Variants in STK3 observed in about 807,000 individuals in gnomAD.
The protein encoded by STK3 is serine/threonine kinase 3, also known as serine/threonine-protein kinase 3.
A neutral mutation model predicts 58.0 loss-of-function variants in STK3; 41 were observed. The observed-to-expected ratio is 0.71, with a 90% CI of 0.55 to 0.92. The LOEUF is 0.92. Among genes scored for constraint, STK3 ranks in the 40% least tolerant of loss-of-function variants. STK3 has a pLI of 0.00. For missense variants in STK3, 479 were observed against 602.7 expected (o/e 0.79, Z 2.15); for synonymous variants, 170 against 191.0 (o/e 0.89, Z 0.91).
chr8:98,489,523 T>C (rs111841363), intron 10 of STK3, among the ~76,000 whole-genome samples: 2 of 152,306 alleles, frequency 1.3e-5, no homozygotes, highest in African/African-American at 2.4e-5. Flanking sequence ...CTTACTATTA[T>C]ATAGTAAAAA....
intron 6 of STK3, among the ~76,000 whole-genome samples, chr8:98,672,840 T>C (rs904272079): frequency 1.3e-5 from 2 of 152,200 alleles, no homozygotes; most frequent in East Asian, 3.8e-4. Context: ...CATCAAGTTA[T>C]TACTATTTAG....
chr8:98,466,294 A>G (rs1016723877), intron 10 of STK3, among the ~76,000 whole-genome samples: 3 of 152,214 alleles, frequency 2.0e-5, no homozygotes, highest in African/African-American at 4.8e-5. Context: ...TGGGTAGTCA[A>G]ACCTCTGTGG....
intron 3 of STK3, among the ~76,000 whole-genome samples, chr8:98,874,327 T>A (rs868267124): frequency 6.6e-6 from 1 of 152,298 alleles, no homozygotes; most frequent in Middle Eastern, 3.4e-3. Context: ...TGTCTTGGAG[T>A]TGCTCTTCTC....
chr8:98,410,064 GA>G (rs778907384), intron 3 of STK3, among the ~76,000 whole-genome samples: 18 of 152,240 alleles, frequency 1.2e-4, no homozygotes, highest in East Asian at 1.2e-3. Context: ...TGGGCTGTTA[GA>G]AAAGGGGAAA....
chr8:98,807,132 C>T (rs1384822023), intron 1 of STK3, among the ~76,000 whole-genome samples: 7 of 129,926 alleles, frequency 5.4e-5, no homozygotes, highest in African/African-American at 2.1e-4. Context: ...CCAGCCTGGG[C>T]GACAAGCGAG....
At chr8:98,694,545 C>T (rs1239194838) in intron 6 of STK3, among the ~76,000 whole-genome samples, 2 of 152,130 alleles carry the variant, frequency 1.3e-5, no homozygotes, top group African/African-American at 4.8e-5. Flanking sequence ...GTTCCCCTTC[C>T]TTTGTCCATA....
At chr8:98,855,445 C>T (rs956386272) in intron 3 of STK3, among the ~76,000 whole-genome samples, 2 of 152,118 alleles carry the variant, frequency 1.3e-5, no homozygotes, top group Non-Finnish European at 2.9e-5. Context: ...GGTGCTGAGA[C>T]ACTGGATAGC....
chr8:98,414,291 A>G (rs1818090249), intron 3 of STK3, among the ~76,000 whole-genome samples: 1 of 152,106 alleles, frequency 6.6e-6, no homozygotes, highest in African/African-American at 2.4e-5. Context: ...AAAATAAAAT[A>G]AAATAGTAAT....
intron 1 of STK3, among the ~76,000 whole-genome samples, chr8:98,909,426 T>C (rs972051093): frequency 6.6e-6 from 1 of 152,208 alleles, no homozygotes; most frequent in African/African-American, 2.4e-5. Flanking sequence ...CACAGATATA[T>C]GTAACCATCA....
the STK3 span, among the ~76,000 whole-genome samples, chr8:98,347,380 T>C: frequency 6.6e-6 from 1 of 151,496 alleles, no homozygotes; most frequent in African/African-American, 2.4e-5. Context: ...CCGGGCGTGA[T>C]GGCGGGCGCC....
At chr8:98,436,646 T>C (rs1223751127) in intron 2 of STK3, 3 of 152,236 alleles carry the variant, frequency 2.0e-5, no homozygotes, top group African/African-American at 4.8e-5. Flanking sequence ...CGCACAGTCA[T>C]AAGCAGTGTA....
intron 8 of STK3, among the ~76,000 whole-genome samples, chr8:98,554,305 A>T (rs1015571590): frequency 3.9e-5 from 6 of 152,116 alleles, no homozygotes; most frequent in Admixed American, 2.0e-4. Context: ...CAACCAGTTT[A>T]TTCCCAAAAC....
intron 1 of STK3, among the ~76,000 whole-genome samples, chr8:98,387,203 G>A (rs951552602): frequency 3.3e-5 from 5 of 151,968 alleles, no homozygotes; most frequent in African/African-American, 1.2e-4. Context: ...GAAATACAAA[G>A]CGGTTTTTTC....
intron 2 of STK3, among the ~76,000 whole-genome samples, chr8:98,770,382 T>A (rs1027521731): frequency 2.6e-5 from 4 of 152,162 alleles, no homozygotes; most frequent in Admixed American, 1.3e-4. Flanking sequence ...ATCAGAACCC[T>A]AAAGAATATG....
chr8:98,365,408 C>A, the STK3 span, among the ~76,000 whole-genome samples: 7 of 152,106 alleles, frequency 4.6e-5, no homozygotes, highest in African/African-American at 1.7e-4. Context: ...GATTCTAACT[C>A]CTTGATGAAG....
intron 3 of STK3, among the ~76,000 whole-genome samples, chr8:98,409,509 A>G (rs1387016059): frequency 6.6e-6 from 1 of 152,220 alleles, no homozygotes; most frequent in Non-Finnish European, 1.5e-5. Context: ...GGCCTTGTGC[A>G]TGTCACTGCC....
intron 3 of STK3, among the ~76,000 whole-genome samples, chr8:98,866,411 C>T (rs1028762475): frequency 2.0e-5 from 3 of 152,162 alleles, no homozygotes; most frequent in African/African-American, 7.2e-5. Context: ...TGAATAGAGA[C>T]ATTAATTGAC....
intron 8 of STK3, among the ~76,000 whole-genome samples, chr8:98,566,269 AT>A (rs1305966237): frequency 2.0e-5 from 3 of 152,142 alleles, no homozygotes; most frequent in Non-Finnish European, 4.4e-5. Context: ...AAAAACCAAC[AT>A]ATCTTGTAAT....
intron 1 of STK3, among the ~76,000 whole-genome samples, chr8:98,795,121 T>C (rs1383696971): frequency 9.3e-6 from 1 of 107,344 alleles, no homozygotes; most frequent in East Asian, 2.7e-4. Flanking sequence ...TATATATATA[T>C]ATATATATAC....
Sources: gnomAD v4.1 joint callset for allele counts (sites outside exome capture counted in the v4.1 genomes callset) on GRCh38, gnomAD v4.1.1 for gene constraint, MANE v1.5 for transcripts, NCBI Gene and HGNC (gene_info 2026-07-23, HGNC 2026-07-21) for gene names.